The following FHIT variants were observed in gnomAD, a reference collection of about 807,000 sequenced individuals.
FHIT encodes the protein bis(5'-adenosyl)-triphosphatase.
FHIT carries 19 observed loss-of-function variants against 17.9 expected under a neutral mutation model. The observed-to-expected ratio is 1.06, with a 90% CI of 0.74 to 1.56. The LOEUF (loss-of-function observed/expected upper bound fraction) is 1.56, where lower values mean the gene tolerates loss of function less well. Among genes scored for constraint, FHIT ranks in the 40% most tolerant of loss-of-function variants. FHIT has a pLI of 0.00. For missense variants in FHIT, 248 were observed against 189.2 expected, an observed-to-expected ratio of 1.31 and a Z score of -1.82; for synonymous variants, 81 against 69.7, an observed-to-expected ratio of 1.16 and a Z score of -0.81.
At chr3:60,637,856 C>G (rs1243692127) in intron 4 of FHIT, among the ~76,000 whole-genome samples, 1 of 152,006 alleles carries the variant, frequency 6.6e-6, no homozygotes, top group Non-Finnish European at 1.5e-5. Context: ...GGAAAGGGAC[C>G]AGGGATTCTT....
chr3:60,546,919 G>C (rs547425606), intron 4 of FHIT, among the ~76,000 whole-genome samples: 2 of 152,014 alleles, frequency 1.3e-5, no homozygotes, highest in East Asian at 1.9e-4. Flanking sequence ...TTTAATTGTG[G>C]TAAAAATCCT....
intron 4 of FHIT, among the ~76,000 whole-genome samples, chr3:60,788,435 T>C (rs1409347317): frequency 1.3e-5 from 2 of 152,216 alleles, no homozygotes; most frequent in East Asian, 3.8e-4. Flanking sequence ...GGATCAACTA[T>C]ATATATACAT....
At chr3:60,001,963 G>C (rs1354033598) in intron 7 of FHIT, among the ~76,000 whole-genome samples, 2 of 152,182 alleles carry the variant, frequency 1.3e-5, no homozygotes, top group African/African-American at 2.4e-5. Flanking sequence ...AAAATATTTT[G>C]TGGGGGAACA....
chr3:59,777,472 A>G (rs377259348), intron 8 of FHIT, among the ~76,000 whole-genome samples: 1 of 152,154 alleles, frequency 6.6e-6, no homozygotes, highest in East Asian at 1.9e-4. Context: ...GCCAAAAACC[A>G]GCAATTCTTC....
chr3:60,216,300 T>C (rs966809082), intron 5 of FHIT, among the ~76,000 whole-genome samples: 4 of 152,216 alleles, frequency 2.6e-5, no homozygotes, highest in African/African-American at 9.6e-5. Flanking sequence ...CTAGGACAGC[T>C]GCATGCAATT....
chr3:60,310,262 C>T (rs981843161), intron 5 of FHIT, among the ~76,000 whole-genome samples: 2 of 152,136 alleles, frequency 1.3e-5, no homozygotes, highest in Non-Finnish European at 2.9e-5. Context: ...TGACATCTGC[C>T]TCTCTGTTCT....
chr3:60,098,655 A>G (rs955023615), intron 5 of FHIT, among the ~76,000 whole-genome samples: 11 of 152,096 alleles, frequency 7.2e-5, no homozygotes, highest in African/African-American at 2.4e-4. Flanking sequence ...ATTTTCTCCC[A>G]TTTTGTAGGT....
chr3:60,735,787 T>C (rs1324771178), intron 4 of FHIT, among the ~76,000 whole-genome samples: 1 of 152,248 alleles, frequency 6.6e-6, no homozygotes, highest in Non-Finnish European at 1.5e-5. Flanking sequence ...GCTAGGTTTC[T>C]GTCATTTGTA....
At chr3:59,954,922 A>G (rs1707317350) in intron 7 of FHIT, among the ~76,000 whole-genome samples, 1 of 152,048 alleles carries the variant, frequency 6.6e-6, no homozygotes, top group Non-Finnish European at 1.5e-5. Context: ...TTAAATGCCT[A>G]CTCTTCTGAT....
chr3:60,744,269 A>AAAAAAAAAAAAAAG (rs2042306728), intron 4 of FHIT, among the ~76,000 whole-genome samples: 1 of 16,054 alleles, frequency 6.2e-5, no homozygotes, highest in African/African-American at 2.4e-4. Context: ...AAAACAAAAC[A>AAAAAAAAAAAAAAG]AAAAAAAAAA....
At chr3:59,989,432 TCA>T (rs1709129965) in intron 7 of FHIT, among the ~76,000 whole-genome samples, 1 of 152,016 alleles carries the variant, frequency 6.6e-6, no homozygotes, top group African/African-American at 2.4e-5. Context: ...GCTTGCTCTT[TCA>T]CACTCAGGTT....
At chr3:60,275,533 T>C (rs372615174) in intron 5 of FHIT, among the ~76,000 whole-genome samples, 1 of 152,320 alleles carries the variant, frequency 6.6e-6, no homozygotes, top group South Asian at 2.1e-4. Context: ...TCAACAGGTT[T>C]TTCCGGTAGT....
chr3:59,800,732 G>T (rs998488578), intron 8 of FHIT, among the ~76,000 whole-genome samples: 1 of 152,126 alleles, frequency 6.6e-6, no homozygotes, highest in African/African-American at 2.4e-5. Context: ...TCTTCCTCAG[G>T]AAGAGAAAGG....
intron 5 of FHIT, among the ~76,000 whole-genome samples, chr3:60,065,057 TGCCTTGCCCTGA>T (rs1702444194): frequency 6.6e-6 from 1 of 152,196 alleles, no homozygotes. Context: ...TCAAGTCTCA[TGCCTTGCCCTGA>T]GACTGTTCTT....
Position 59,930,578 on chromosome 3 carries a change from G to C in FHIT, c.280-8164C>G, listed in dbSNP as rs583560. Among the ~76,000 whole-genome samples, 3 of 152,112 alleles carry C rather than the reference G, an allele frequency of 2.0e-5. No homozygotes were observed. In the East Asian group the frequency reaches 5.8e-4, roughly 29 times the overall value. On this transcript the variant is annotated intron_variant, in intron 7 of 9. Transcript: ENST00000492590. ...GCACCAGAAAGGGCGGCAGGCTTCA[G>C]TTCCCCCTCCGTGATTCAAACAGAG...
chr3:61,047,834 C>T (rs2033866136), intron 2 of FHIT, among the ~76,000 whole-genome samples: 1 of 134,444 alleles, frequency 7.4e-6, no homozygotes, highest in Non-Finnish European at 1.6e-5. Context: ...CATCTACAAC[C>T]ATCTGATCTT....
intron 4 of FHIT, among the ~76,000 whole-genome samples, chr3:60,774,633 A>G (rs1390376306): frequency 1.3e-5 from 2 of 152,168 alleles, no homozygotes; most frequent in East Asian, 1.9e-4. Flanking sequence ...ACAGTTAGAG[A>G]TGAACAACAA....
chr3:60,543,091 A>G (rs971542266), intron 4 of FHIT, among the ~76,000 whole-genome samples: 1 of 151,944 alleles, frequency 6.6e-6, no homozygotes, highest in Admixed American at 6.6e-5. Context: ...AAGGTCGCAC[A>G]TTTTTGCACA....
intron 1 of FHIT, among the ~76,000 whole-genome samples, chr3:61,212,524 G>C (rs1213321439): frequency 6.6e-6 from 1 of 152,238 alleles, no homozygotes. Flanking sequence ...ATCTACGTCT[G>C]ATTGGTGTAC....
Sources: allele counts gnomAD v4.1 joint callset (sites outside exome capture counted in the v4.1 genomes callset), GRCh38; gene constraint gnomAD v4.1.1; transcripts MANE v1.5; gene names NCBI Gene and HGNC (gene_info 2026-07-23, HGNC 2026-07-21).